MTOR: variants seen among roughly 807,000 people sequenced by gnomAD.
MTOR encodes mechanistic target of rapamycin kinase, also known as serine/threonine-protein kinase mTOR.
In MTOR, 70 loss-of-function variants were observed where a neutral mutation model predicts 319.8. The observed-to-expected ratio is 0.22, with a 90% CI of 0.18 to 0.27. The LOEUF is 0.27. MTOR is among the 10% of genes least tolerant of loss of function. The pLI, the probability that MTOR is intolerant of heterozygous loss-of-function variation, is 1.00. For missense variants in MTOR, 1,890 were observed against 3,274.4 expected, an observed-to-expected ratio of 0.58 and a Z score of 10.32; for synonymous variants, 1,183 against 1,211.4, an observed-to-expected ratio of 0.98 and a Z score of 0.49.
Position 11,228,794 on chromosome 1 carries a change from G to A in MTOR, c.2904C>T (p.His968=), listed in dbSNP as rs1557451311. The A allele has an allele frequency of 2.5e-6, 4 of 1,614,180 alleles. No individual in the cohort carries two copies. Among genetic ancestry groups the A allele is most frequent in the Admixed American group, 1.7e-5 (1 of 60,018 alleles). The part of the protein sequence containing the change: ...IFRDQSLSHH[H]TMVVQAITFI... ...AGGTGATGGCCTGGACAACCATGGT[G>A]TGATGATGAGAGAGTGACTGGTCTC... Residue 968 remains histidine, a synonymous_variant, in exon 19 of 58, where the codon CAC becomes CAT. Transcript: ENST00000361445.
Position 11,133,254 on chromosome 1 carries a change from G to A in MTOR, c.5247-57C>T. The A allele has an allele frequency of 7.0e-7, 1 of 1,438,668 alleles. No individual in the cohort carries two copies. Among genetic ancestry groups the A allele is most frequent in the Non-Finnish European group, 9.8e-7 (1 of 1,021,892 alleles). 89.1% of individuals were successfully genotyped at this position (1,438,668 alleles called of 1,614,324 possible). Reference sequence around the variant, plus strand: ...TCCCTCCTCAAAACAGCCCTCCTAAGAGGACCACAAATTGTTAGGGGACAC... The same window carrying A: ...TCCCTCCTCAAAACAGCCCTCCTAAAAGGACCACAAATTGTTAGGGGACAC... On this transcript the variant is annotated intron_variant, in intron 37 of 57. Coordinates refer to ENST00000361445, the MANE Select transcript of MTOR (RefSeq NM_004958.4). The surrounding 1 kb of genome is among the most constrained non-coding windows in gnomAD (Gnocchi z 4.0).
chr1:11,208,711 A>G (rs1646217511), intron 25 of MTOR, among the ~76,000 whole-genome samples: 1 of 152,232 alleles, frequency 6.6e-6, no homozygotes, highest in Non-Finnish European at 1.5e-5. Context: ...TTTTAGGTGG[A>G]TAGCTGATGG....
chr1:11,231,233 G>A, intron 17 of MTOR, 67 bp downstream of exon 17: 1 of 1,602,858 alleles, frequency 6.2e-7, no homozygotes, highest in South Asian at 1.1e-5. Flanking sequence ...TGTTAATGCT[G>A]CAACCATCTC....
intron 31 of MTOR, among the ~76,000 whole-genome samples, chr1:11,148,823 G>A (rs1194385970): frequency 3.9e-5 from 6 of 152,040 alleles, no homozygotes; most frequent in African/African-American, 7.2e-5. Context: ...GCTTGAACCC[G>A]GGAGGCGGAG....
intron 26 of MTOR, among the ~76,000 whole-genome samples, chr1:11,201,224 G>A (rs368115558): frequency 2.0e-5 from 3 of 152,200 alleles, no homozygotes; most frequent in South Asian, 2.1e-4. Context: ...TTGAATGAAC[G>A]TATTTGGGAC....
Position 11,109,551 on chromosome 1 carries a change from T to G in MTOR, c.7447+98A>C. ...GAACCTTTTCTGCTCAAAGGCAGTT[T>G]TGTTGCTTCATCTTGTTGACCCCTC... On this transcript the variant is annotated intron_variant, in intron 55 of 57. Transcript: ENST00000361445. The surrounding 1 kb of genome is among the most constrained non-coding windows in gnomAD (Gnocchi z 4.0). 1.5e-6 allele frequency: 2 copies of G among 1,329,944 alleles called. No homozygotes were observed. Among genetic ancestry groups the G allele is most frequent in the Non-Finnish European group, 2.1e-6 (2 of 930,802 alleles). The allele number at this position is 1,329,944 out of a possible 1,614,324, so 82.4% of individuals were successfully genotyped here.
rs148419594 is a variant in MTOR at position 11,194,878 on chromosome 1, C to A, written c.4253+4380G>T. ...GGTGGCTACTGGTACAACTGCTGCA[C>A]AGACTCCAACCTCAATGGAGTGTAC... On this transcript the variant is annotated intron_variant, in intron 28 of 57. Transcript: ENST00000361445. 6.8e-6 allele frequency: 11 copies of A among 1,614,182 alleles called. No individual in the cohort carries two copies. The Admixed American group carries it at 1.7e-4, about 24-fold the overall frequency.
chr1:11,122,466 G>A (rs1288900424), intron 47 of MTOR, among the ~76,000 whole-genome samples: 1 of 148,422 alleles, frequency 6.7e-6, no homozygotes, highest in Non-Finnish European at 1.5e-5. Flanking sequence ...CTCCCAAAGT[G>A]CTGGATTGCA....
At chr1:11,190,087 T>C (rs947482341) in intron 28 of MTOR, 3 of 1,084,302 alleles carry the variant, frequency 2.8e-6, no homozygotes, top group Non-Finnish European at 2.6e-6. Flanking sequence ...TAAAGGCTTA[T>C]GCAGTATTTC....
chr1:11,223,987 C>T (rs1361988303), intron 19 of MTOR, among the ~76,000 whole-genome samples: 5 of 150,698 alleles, frequency 3.3e-5, no homozygotes, highest in Non-Finnish European at 7.4e-5. Flanking sequence ...TGCAGTGAGC[C>T]GAGATCACAC....
Position 11,157,210 on chromosome 1 carries a change from T to C in MTOR, c.4411A>G (p.Lys1471Glu). 6.2e-7 allele frequency: 1 copy of C among 1,614,102 alleles called. No individual in the cohort carries two copies. Among genetic ancestry groups the C allele is most frequent in the Non-Finnish European group, 8.5e-7 (1 of 1,179,994 alleles). The part of the protein sequence containing the change: ...VAYDKKMDTN[K>E]DDPELMLGRM... ...CCCAGCATCAGCTCTGGGTCGTCCT[T>C]GTTGGTGTCCATTTTCTTGTCATAG... is the stretch of plus-strand genomic sequence containing the variant. Residue 1471 changes from lysine to glutamate, a missense_variant, in exon 30 of 58, where the codon AAG becomes GAG. Physicochemically the swap from Lys to Glu is moderately conservative, Grantham distance 56. Around this residue, in one of 15 missense-constraint regions of MTOR, gnomAD observed 276 missense variants for 459.4 expected, o/e 0.60. Coordinates refer to ENST00000361445, the MANE Select transcript of MTOR (RefSeq NM_004958.4).
Position 11,234,248 on chromosome 1 carries a change from C to T in MTOR, c.2226G>A (p.Glu742=), listed in dbSNP as rs2100881929. Residue 742 remains glutamate (E), a synonymous_variant, in exon 14 of 58, where the codon GAG becomes GAA. Transcript: ENST00000361445. ...CTTTGATTCTTCCAATCCCACTGTG[C>T]TCCAACTCTGTCAAAATCTGTAGGG... ...KMLIQILTEL[E]HSGIGRIKEQ... 1 of 1,612,974 alleles carries T rather than the reference C, an allele frequency of 6.2e-7. No homozygotes were observed. The highest frequency in any genetic ancestry group is 1.7e-5 in the Admixed American group (1 of 59,732).
chr1:11,112,729 T>C, intron 54 of MTOR, 123 bp downstream of exon 54: 1 of 1,018,322 alleles, frequency 9.8e-7, no homozygotes, highest in South Asian at 1.4e-5. Context: ...AGAAACACTC[T>C]GCACAAGGGG....
chr1:11,109,598 A>C lies in MTOR; in HGVS notation c.7447+51T>G, dbSNP rs1344166830. On this transcript the variant is annotated intron_variant, in intron 55 of 57. Transcript: ENST00000361445. The surrounding 1 kb of genome is among the most constrained non-coding windows in gnomAD (Gnocchi z 4.0). ...CCTCTCAGGGTATAACACAGCTGCT[A>C]TTTTCTTAATGAGCTAGTCACTGGT... 10 of 1,562,800 alleles carry C rather than the reference A, an allele frequency of 6.4e-6. No individual in the cohort carries two copies. The highest frequency in any genetic ancestry group is 8.8e-6 in the Non-Finnish European group (10 of 1,133,490).
intron 47 of MTOR, among the ~76,000 whole-genome samples, chr1:11,123,048 C>T (rs535203386): frequency 2.0e-5 from 3 of 151,958 alleles, no homozygotes; most frequent in Non-Finnish European, 4.4e-5. Context: ...AGAATACGGA[C>T]GATGGGAAAG....
intron 20 of MTOR, 39 bp downstream of exon 20, chr1:11,216,109 C>A (rs992279027): frequency 1.3e-6 from 2 of 1,501,614 alleles, no homozygotes; most frequent in African/African-American, 1.4e-5. Context: ...CTTCCTTGAC[C>A]CAAACATGGA....
chr1:11,156,509 C>T (rs745955771), intron 30 of MTOR, among the ~76,000 whole-genome samples: 1 of 152,118 alleles, frequency 6.6e-6, no homozygotes, highest in Non-Finnish European at 1.5e-5. Context: ...TCCCCCCTAC[C>T]TTCTCCTTTA....
chr1:11,205,928 G>A (rs532823982), intron 25 of MTOR, among the ~76,000 whole-genome samples: 2 of 152,102 alleles, frequency 1.3e-5, no homozygotes, highest in South Asian at 4.1e-4. Flanking sequence ...TACCATCAAG[G>A]ACTCAACCAT....
chr1:11,215,059 G>C (rs1386301489), intron 20 of MTOR, among the ~76,000 whole-genome samples: 2 of 152,208 alleles, frequency 1.3e-5, no homozygotes, highest in African/African-American at 4.8e-5. Flanking sequence ...CTCTATCTGG[G>C]ATGAAATGAA....
Sources: gnomAD v4.1 joint callset for allele counts (sites outside exome capture counted in the v4.1 genomes callset) on GRCh38, gnomAD v4.1.1 for gene constraint, gnomAD v4.1.1 regional missense constraint, Gnocchi (gnomAD v3.1) non-coding constraint, MANE v1.5 for transcripts, NCBI Gene and HGNC (gene_info 2026-07-23, HGNC 2026-07-21) for gene names.